Variants in STPG4 observed in about 807,000 individuals in gnomAD.
STPG4 encodes the protein sperm-tail PG-rich repeat containing 4.
STPG4 carries 41 observed loss-of-function variants against 31.5 expected under a neutral mutation model. The ratio of observed to expected loss-of-function variants is 1.30; its 90% CI spans 1.01 to 1.69. The LOEUF (loss-of-function observed/expected upper bound fraction) is 1.69, where lower values mean the gene tolerates loss of function less well. Among genes scored for constraint, STPG4 ranks in the 40% most tolerant of loss-of-function variants. STPG4 has a pLI of 0.00. For synonymous variants in STPG4, 141 were observed against 103.0 expected (o/e 1.37, Z -2.24); for missense variants, 375 against 293.4 (o/e 1.28, Z -2.03).
rs761256038 is a variant in STPG4 at position 47,130,248 on chromosome 2, A to C, written c.412T>G (p.Ser138Ala). ...LVDKDQSLQL[S>A]PGQYNVLPAP... ...GGAAGCACGTTGTATTGCCCCGGAGAAAGCTGAAGTGACTGCACAGAATGG... is the reference window on the plus strand; with the variant it reads ...GGAAGCACGTTGTATTGCCCCGGAGCAAGCTGAAGTGACTGCACAGAATGG... The change falls in exon 4 of 7, where the codon TCT (serine) becomes GCT (alanine). Residue 138 changes from serine to alanine, a missense_variant. Ser to Ala is a moderately conservative substitution (Grantham distance 99). Coordinates refer to ENST00000445927, the MANE Select transcript of STPG4 (RefSeq NM_001163561.2). 5.0e-6 allele frequency: 8 copies of C among 1,613,990 alleles called. No homozygotes were observed. Among genetic ancestry groups the C allele is most frequent in the African/African-American group, 1.3e-5 (1 of 74,934 alleles).
At chr2:47,127,175 T>C (rs1217083387) in intron 5 of STPG4, among the ~76,000 whole-genome samples, 1 of 151,798 alleles carries the variant, frequency 6.6e-6, no homozygotes, top group Non-Finnish European at 1.5e-5. Flanking sequence ...ATTTTATAGA[T>C]TTTGTAAGCA....
chr2:47,094,720 G>A (rs1433526946), intron 5 of STPG4, among the ~76,000 whole-genome samples: 1 of 152,208 alleles, frequency 6.6e-6, no homozygotes, highest in East Asian at 1.9e-4. Context: ...CTTGTTAAGT[G>A]TGATCCCAGT....
At chr2:47,125,442 A>G (rs577288936) in intron 5 of STPG4, among the ~76,000 whole-genome samples, 5 of 152,148 alleles carry the variant, frequency 3.3e-5, no homozygotes, top group Admixed American at 6.5e-5. Context: ...CCTTTTTCCT[A>G]TTGAGTTGTT....
chr2:47,107,344 G>T (rs1166810272), intron 5 of STPG4, among the ~76,000 whole-genome samples: 1 of 152,136 alleles, frequency 6.6e-6, no homozygotes, highest in Admixed American at 6.5e-5. Flanking sequence ...GTTCCGGGTG[G>T]GCATGGGCTT....
chr2:47,087,057 C>A lies in STPG4; in HGVS notation c.698G>T (p.Gly233Val). ...PKQSPTIAKMGQEHSLFFNNN... is the reference protein window; with the variant it reads ...PKQSPTIAKMVQEHSLFFNNN... Reference sequence around the variant, plus strand: ...GTTGAAGAAAAGGCTATGCTCTTGGCCCATTTTGGCTATGGTCGGAGACTG... The same window carrying A: ...GTTGAAGAAAAGGCTATGCTCTTGGACCATTTTGGCTATGGTCGGAGACTG... The change falls in exon 7 of 7, where the codon GGC becomes GTC. Residue 233 changes from glycine (G) to valine (V), a missense_variant. Transcript: ENST00000445927. 1 of 1,551,752 alleles carries A rather than the reference C, an allele frequency of 6.4e-7. No homozygotes were observed. Among genetic ancestry groups the A allele is most frequent in the Non-Finnish European group, 8.7e-7 (1 of 1,146,988 alleles).
chr2:47,131,427 G>A (rs1465648174), intron 3 of STPG4, among the ~76,000 whole-genome samples: 3 of 152,180 alleles, frequency 2.0e-5, no homozygotes, highest in South Asian at 4.1e-4. Flanking sequence ...ATGTCCAGCC[G>A]TGATCACACT....
intron 3 of STPG4, among the ~76,000 whole-genome samples, chr2:47,141,011 C>T (rs1686690921): frequency 1.3e-5 from 2 of 151,838 alleles, no homozygotes; most frequent in African/African-American, 4.8e-5. Flanking sequence ...CTTAGCCTCC[C>T]GAGTAGCTGT....
At chr2:47,091,617 T>G (rs1685570816) in intron 5 of STPG4, among the ~76,000 whole-genome samples, 2 of 151,942 alleles carry the variant, frequency 1.3e-5, no homozygotes. Context: ...AATGCAGGAG[T>G]TAGGGGAAGT....
At chr2:47,134,987 G>C (rs1403850103) in intron 3 of STPG4, among the ~76,000 whole-genome samples, 1 of 152,098 alleles carries the variant, frequency 6.6e-6, no homozygotes, top group African/African-American at 2.4e-5. Flanking sequence ...TTTGACATCT[G>C]TATGTCTTCT....
chr2:47,143,809 G>A (rs1034034581), intron 3 of STPG4, among the ~76,000 whole-genome samples: 7 of 151,944 alleles, frequency 4.6e-5, no homozygotes, highest in East Asian at 3.9e-4. Flanking sequence ...ATTTTTAACC[G>A]GAATATTTAT....
intron 5 of STPG4, chr2:47,108,614 A>C (rs1395258713): frequency 6.4e-6 from 1 of 156,900 alleles, no homozygotes; most frequent in Non-Finnish European, 1.4e-5. Context: ...GATTCCTTTC[A>C]CTTAAGATAG....
At chr2:47,106,838 T>C (rs1685920837) in intron 5 of STPG4, among the ~76,000 whole-genome samples, 1 of 151,926 alleles carries the variant, frequency 6.6e-6, no homozygotes, top group Non-Finnish European at 1.5e-5. Flanking sequence ...AAACTTCTTA[T>C]CAAATTTGTT....
At chr2:47,150,148 G>A (rs1460061486) in intron 3 of STPG4, among the ~76,000 whole-genome samples, 3 of 152,216 alleles carry the variant, frequency 2.0e-5, no homozygotes, top group Non-Finnish European at 4.4e-5. Context: ...AAGCAACTAA[G>A]AGAATATACA....
chr2:47,095,381 C>G (rs1208668868), intron 5 of STPG4, among the ~76,000 whole-genome samples: 1 of 152,104 alleles, frequency 6.6e-6, no homozygotes, highest in African/African-American at 2.4e-5. Flanking sequence ...GAACTCTAAA[C>G]CGAGGAAGAC....
intron 3 of STPG4, among the ~76,000 whole-genome samples, chr2:47,145,847 C>T (rs999973898): frequency 1.3e-5 from 2 of 152,138 alleles, no homozygotes; most frequent in African/African-American, 4.8e-5. Flanking sequence ...TTATATAGTA[C>T]ACTTGATAGC....
intron 5 of STPG4, among the ~76,000 whole-genome samples, chr2:47,122,969 G>A (rs1344762022): frequency 1.3e-5 from 2 of 152,056 alleles, no homozygotes; most frequent in Admixed American, 6.6e-5. Flanking sequence ...GGGATTACAG[G>A]CGCATGCCAC....
chr2:47,151,826 C>G (rs939601247), intron 2 of STPG4, among the ~76,000 whole-genome samples: 1 of 151,772 alleles, frequency 6.6e-6, no homozygotes, highest in African/African-American at 2.4e-5. Context: ...CTGCAAGCTC[C>G]GCCTCCCAGG....
intron 5 of STPG4, among the ~76,000 whole-genome samples, chr2:47,126,614 A>T (rs1340901611): frequency 1.3e-5 from 2 of 152,172 alleles, no homozygotes; most frequent in Non-Finnish European, 2.9e-5. Context: ...GGCATGAGCC[A>T]CTGCACCTGG....
intron 1 of STPG4, among the ~76,000 whole-genome samples, chr2:47,154,718 G>A (rs1393524860): frequency 6.6e-6 from 1 of 152,188 alleles, no homozygotes. Flanking sequence ...GTGACAGAGC[G>A]AGACTCTAAA....
Sources: gnomAD v4.1 joint callset for allele counts (sites outside exome capture counted in the v4.1 genomes callset) on GRCh38, gnomAD v4.1.1 for gene constraint, MANE v1.5 for transcripts, NCBI Gene and HGNC (gene_info 2026-07-23, HGNC 2026-07-21) for gene names.